Variants in NINL observed in about 807,000 individuals in gnomAD.
NINL encodes the protein ninein-like protein.
A neutral mutation model predicts 160.3 loss-of-function variants in NINL; 153 were observed. The ratio of observed to expected loss-of-function variants is 0.95; its 90% CI spans 0.84 to 1.09. NINL has a LOEUF of 1.09. Ranked by LOEUF, NINL falls within the 50% of genes least tolerant of loss-of-function variation. The pLI is 0.00. For missense variants in NINL, 1,829 were observed against 1,764.0 expected, an observed-to-expected ratio of 1.04 and a Z score of -0.66; for synonymous variants, 800 against 734.8, an observed-to-expected ratio of 1.09 and a Z score of -1.43.
intron 1 of NINL, among the ~76,000 whole-genome samples, chr20:25,556,399 G>A (rs548406952): frequency 6.6e-6 from 1 of 152,278 alleles, no homozygotes; most frequent in South Asian, 2.1e-4. Context: ...CAAAGTGGGA[G>A]GATCACTTGA....
In NINL at chr20:25,461,831, G is replaced by A. The variant is rs571973349; in HGVS notation, c.3583-196C>T. Among the ~76,000 whole-genome samples the A allele has an allele frequency of 1.2e-4, 18 of 152,302 alleles. No individual in the cohort carries two copies. In the East Asian group the frequency reaches 3.3e-3, roughly 28 times the overall value. On this transcript the variant is annotated intron_variant, in intron 20 of 23. Transcript: ENST00000278886. The stretch of plus-strand genomic sequence containing the variant: ...TCCTCTACACACACGCATCTCCCTG[G>A]TGAGACAGTGTCAGGTGCGCCACGC...
intron 1 of NINL, among the ~76,000 whole-genome samples, chr20:25,542,365 T>C (rs1568956027): frequency 6.6e-6 from 1 of 151,782 alleles, no homozygotes; most frequent in African/African-American, 2.4e-5. Context: ...ATTTGAAGAA[T>C]GAAGAAAAAT....
At chr20:25,478,507 C>T (rs2063316206) in intron 16 of NINL, among the ~76,000 whole-genome samples, 1 of 152,234 alleles carries the variant, frequency 6.6e-6, no homozygotes, top group African/African-American at 2.4e-5. Context: ...CTCGCTTGCA[C>T]ACTTGAGCCT....
At chr20:25,497,803 G>A (rs562275907) in intron 9 of NINL, among the ~76,000 whole-genome samples, 3 of 152,296 alleles carry the variant, frequency 2.0e-5, no homozygotes, top group Admixed American at 1.3e-4. Flanking sequence ...ACCAGCATGA[G>A]GGGGGACCTC....
At chr20:25,581,356 C>T (rs969393201) in intron 1 of NINL, among the ~76,000 whole-genome samples, 5 of 151,990 alleles carry the variant, frequency 3.3e-5, no homozygotes, top group Non-Finnish European at 5.9e-5. Flanking sequence ...ACAAGAGAAT[C>T]GCTTGAACCC....
intron 1 of NINL, among the ~76,000 whole-genome samples, chr20:25,560,267 G>A (rs1340032073): frequency 6.6e-6 from 1 of 152,176 alleles, no homozygotes; most frequent in Non-Finnish European, 1.5e-5. Flanking sequence ...ACTGTTTAAT[G>A]CCTATATGTG....
At chr20:25,570,762 G>T (rs1046033667) in intron 1 of NINL, among the ~76,000 whole-genome samples, 2 of 139,490 alleles carry the variant, frequency 1.4e-5, no homozygotes, top group African/African-American at 5.5e-5. Context: ...GAGTGCAGTG[G>T]CGCAATCTCA....
intron 13 of NINL, among the ~76,000 whole-genome samples, chr20:25,483,630 G>A (rs542651973): frequency 3.3e-5 from 5 of 152,376 alleles, no homozygotes; most frequent in South Asian, 2.1e-4. Flanking sequence ...CGTGGGCGGC[G>A]GGAAGGCTAG....
In NINL at chr20:25,470,069, TC is replaced by T. The variant is rs1359976770; in HGVS notation, c.3274del (p.Glu1092LysfsTer5). On this transcript the variant is annotated frameshift_variant, in exon 18 of 24. Transcript: ENST00000278886. LOFTEE classifies it high-confidence loss of function. ...CAGATCGTTTTTCAACAAAGTGTTT[TC>T]TTCAGAAAGTCTATGGAACTCCAGT... ...DRLEFHRLSE[E>X]NTLLKNDLGR... The T allele has an allele frequency of 6.2e-7, 1 of 1,614,138 alleles. No individual in the cohort carries two copies. The highest frequency in any genetic ancestry group is 1.1e-5 in the South Asian group (1 of 91,082).
intron 13 of NINL, among the ~76,000 whole-genome samples, chr20:25,487,570 G>A (rs1374727708): frequency 6.6e-6 from 1 of 152,214 alleles, no homozygotes; most frequent in Admixed American, 6.5e-5. Context: ...TGTAAGAGGG[G>A]CAGGTGGGTC....
At position 25,526,564 on chromosome 20, in the gene NINL, A is replaced by G. The variant is rs758181445; in HGVS notation, c.24T>C (p.Tyr8=). 1 of 1,614,020 alleles carries G rather than the reference A, an allele frequency of 6.2e-7. No homozygotes were observed. Among genetic ancestry groups the G allele is most frequent in the Admixed American group, 1.7e-5 (1 of 60,000 alleles). ...TGTAGACTTCCCTGAGCTGCGAGAC[A>G]TAGTGGTTCTCTTCTTCATCCATCC... The part of the protein sequence containing the change: MDEEENH[Y]VSQLREVYSS... The change falls in exon 2 of 24, where the codon TAT becomes TAC. Residue 8 remains tyrosine, a synonymous_variant. Transcript: ENST00000278886.
At chr20:25,503,288 C>G (rs910485875) in intron 7 of NINL, among the ~76,000 whole-genome samples, 7 of 147,586 alleles carry the variant, frequency 4.7e-5, no homozygotes, top group Admixed American at 1.3e-4. Context: ...CAGCCATGTT[C>G]CTCACCTGAG....
intron 1 of NINL, among the ~76,000 whole-genome samples, chr20:25,541,482 G>A (rs1293918218): frequency 1.3e-5 from 2 of 152,168 alleles, no homozygotes; most frequent in African/African-American, 4.8e-5. Context: ...AATCCTGTAA[G>A]TTCCTATTGT....
chr20:25,553,677 C>G (rs1313189928), intron 1 of NINL, among the ~76,000 whole-genome samples: 4 of 152,204 alleles, frequency 2.6e-5, no homozygotes, highest in Non-Finnish European at 5.9e-5. Flanking sequence ...TTATGTGAAC[C>G]TGGGTCGAAA....
intron 8 of NINL, chr20:25,498,947 C>T (rs2063813343): frequency 5.1e-6 from 5 of 985,386 alleles, no homozygotes; most frequent in African/African-American, 1.7e-5. Flanking sequence ...GTCACACACA[C>T]CCTAAGACCC....
At chr20:25,529,650 G>A (rs2064420916) in intron 1 of NINL, among the ~76,000 whole-genome samples, 1 of 152,080 alleles carries the variant, frequency 6.6e-6, no homozygotes, top group African/African-American at 2.4e-5. Flanking sequence ...CTAAGCCTGG[G>A]CAACATGGTG....
chr20:25,476,660 A>AGGCCC lies in NINL; in HGVS notation c.2626_2630dup (p.Arg878GlyfsTer87). On this transcript the variant is annotated frameshift_variant, in exon 17 of 24. Coordinates refer to ENST00000278886, the MANE Select transcript of NINL (RefSeq NM_025176.6). LOFTEE classifies it high-confidence loss of function. ...CTGTGTCCTGGGCTTGCCTGCGGCG[A>AGGCCC]GGCCCGGCTCCTGCCGCCTCCTCAG... The AGGCCC allele has an allele frequency of 6.3e-7, 1 of 1,587,922 alleles. No individual in the cohort carries two copies. The highest frequency in any genetic ancestry group is 2.3e-5 in the East Asian group (1 of 44,426).
chr20:25,479,243 C>T, intron 15 of NINL, 37 bp from the exon 16 acceptor site: 1 of 1,556,232 alleles, frequency 6.4e-7, no homozygotes, highest in Non-Finnish European at 8.7e-7. Flanking sequence ...GACCAGGAGA[C>T]CCTAAGAATG....
chr20:25,577,520 C>T lies in NINL; in HGVS notation c.-12+7935G>A, dbSNP rs117890922. On this transcript the variant is annotated intron_variant, in intron 1 of 23. Coordinates refer to ENST00000278886, the MANE Select transcript of NINL (RefSeq NM_025176.6). ...GGGACAACCTACTCAAAATCTGCAC[C>T]GAGCAGACTCTCCCTGTTGATTTTT... 1.8e-3 allele frequency among the ~76,000 whole-genome samples: 281 copies of T among 152,334 alleles called. 2 individuals carry two copies. The East Asian group carries it at 0.04, about 21-fold the overall frequency.
Sources: gnomAD v4.1 joint callset for allele counts (sites outside exome capture counted in the v4.1 genomes callset) on GRCh38, gnomAD v4.1.1 for gene constraint, MANE v1.5 for transcripts, NCBI Gene and HGNC (gene_info 2026-07-23, HGNC 2026-07-21) for gene names.